The following TSHZ2 variants were observed in gnomAD, a reference collection of about 807,000 sequenced individuals.
The protein encoded by TSHZ2 is teashirt homolog 2.
TSHZ2 carries 21 observed loss-of-function variants against 74.4 expected under a neutral mutation model. The ratio of observed to expected loss-of-function variants is 0.28; its 90% confidence interval spans 0.20 to 0.41. TSHZ2 has a LOEUF of 0.41. Among genes scored for constraint, TSHZ2 ranks in the 10% least tolerant of loss-of-function variants. The pLI is 1.00. For missense variants in TSHZ2, 1,244 were observed against 1,293.5 expected (o/e 0.96, Z 0.59); for synonymous variants, 540 against 515.3 (o/e 1.05, Z -0.65).
intron 2 of TSHZ2, among the ~76,000 whole-genome samples, chr20:53,436,551 T>A (rs201247207): frequency 0.039 from 5,217 of 133,836 alleles, 158 homozygotes; most frequent in Non-Finnish European, 0.057. Flanking sequence ...TATTATTATT[T>A]TTTTTTTTTT....
chr20:53,003,179 T>C (rs181847911), intron 1 of TSHZ2, among the ~76,000 whole-genome samples: 4 of 152,040 alleles, frequency 2.6e-5, no homozygotes, highest in African/African-American at 7.2e-5. Flanking sequence ...CTGTCCTTCA[T>C]TGTGGGGAGA....
intron 1 of TSHZ2, among the ~76,000 whole-genome samples, chr20:52,993,647 A>C (rs1269930558): frequency 6.6e-6 from 1 of 152,218 alleles, no homozygotes; most frequent in East Asian, 1.9e-4. Context: ...GGAGGGAAGG[A>C]TTTGGAAAAG....
chr20:53,242,634 C>T (rs1990098129), intron 1 of TSHZ2, among the ~76,000 whole-genome samples: 1 of 139,042 alleles, frequency 7.2e-6, no homozygotes, highest in Non-Finnish European at 1.6e-5. Flanking sequence ...GAGTAACCCA[C>T]CCTGTGAGTT....
chr20:53,035,269 G>A (rs978244479), intron 1 of TSHZ2, among the ~76,000 whole-genome samples: 5 of 152,198 alleles, frequency 3.3e-5, no homozygotes, highest in Admixed American at 1.3e-4. Context: ...CTTTTCTCCT[G>A]TGAGACTGAT....
intron 2 of TSHZ2, among the ~76,000 whole-genome samples, chr20:53,312,225 A>G (rs1231512493): frequency 2.6e-5 from 4 of 152,226 alleles, no homozygotes. Context: ...AGGGCAGTAG[A>G]GCATCCTACT....
chr20:53,245,806 C>T lies in TSHZ2; in HGVS notation c.41-7693C>T, dbSNP rs190629927. On this transcript the variant is annotated intron_variant, in intron 1 of 2. Coordinates refer to ENST00000371497, the MANE Select transcript of TSHZ2 (RefSeq NM_173485.6). ...GTCAGTCAGGCTTGGGATAGTCACT[C>T]CTATTTGAGGTTGACAGATGAAGAA... Among the ~76,000 whole-genome samples, 423 of 152,204 alleles carry T rather than the reference C, an allele frequency of 2.8e-3. 4 individuals are homozygous for T. The highest frequency in any genetic ancestry group is 9.2e-3 in the African/African-American group (382 of 41,538).
At chr20:52,988,083 C>T (rs1227291773) in intron 1 of TSHZ2, among the ~76,000 whole-genome samples, 1 of 151,804 alleles carries the variant, frequency 6.6e-6, no homozygotes, top group Non-Finnish European at 1.5e-5. Context: ...CTTCCAAGCC[C>T]TTTCTATGTA....
chr20:53,443,921 A>G (rs901523206), intron 2 of TSHZ2, among the ~76,000 whole-genome samples: 3 of 152,160 alleles, frequency 2.0e-5, no homozygotes, highest in Non-Finnish European at 2.9e-5. Flanking sequence ...GGTGTGTTCC[A>G]AGGGCATTCG....
At chr20:53,267,670 A>T (rs1467768288) in intron 2 of TSHZ2, among the ~76,000 whole-genome samples, 2 of 152,186 alleles carry the variant, frequency 1.3e-5, no homozygotes, top group Non-Finnish European at 2.9e-5. Context: ...TGCCCAGTGT[A>T]TGTTAGATGC....
chr20:53,485,663 C>T (rs979078757), intron 2 of TSHZ2, among the ~76,000 whole-genome samples: 10 of 151,420 alleles, frequency 6.6e-5, no homozygotes, highest in South Asian at 6.3e-4. Context: ...GAACCCACAT[C>T]GTGCCACTGC....
chr20:53,111,248 A>G (rs1986527445), intron 1 of TSHZ2, among the ~76,000 whole-genome samples: 1 of 152,244 alleles, frequency 6.6e-6, no homozygotes. Context: ...AAGATTATTT[A>G]TTCAGTCAAT....
chr20:53,495,122 A>G lies in TSHZ2; in HGVS notation c.*7987A>G, dbSNP rs1452664676. The G allele has an allele frequency of 2.0e-5, 3 of 152,248 alleles. No individual in the cohort carries two copies. The highest frequency in any genetic ancestry group is 7.2e-5 in the African/African-American group (3 of 41,528). 9.4% of individuals were successfully genotyped at this position (152,248 alleles called of 1,614,324 possible). On this transcript the variant is annotated 3_prime_UTR_variant, in exon 3 of 3. Coordinates refer to ENST00000371497, the MANE Select transcript of TSHZ2 (RefSeq NM_173485.6). Reference sequence around the variant, plus strand: ...GTCAACGTCGACTTCTGCTTTGGCCAATTGAAAAATGAAAATTAAAGGAGA... The same window carrying G: ...GTCAACGTCGACTTCTGCTTTGGCCGATTGAAAAATGAAAATTAAAGGAGA...
intron 2 of TSHZ2, among the ~76,000 whole-genome samples, chr20:53,291,537 A>G (rs189913619): frequency 2.0e-3 from 298 of 150,052 alleles, no homozygotes; most frequent in Non-Finnish European, 3.3e-3. Context: ...TCAATTACAC[A>G]TCACAGAATC....
chr20:53,103,998 G>A (rs1343355867), intron 1 of TSHZ2, among the ~76,000 whole-genome samples: 2 of 152,160 alleles, frequency 1.3e-5, no homozygotes, highest in Admixed American at 1.3e-4. Flanking sequence ...GATAATAAGA[G>A]AGATCATGAC....
At position 53,256,461 on chromosome 20, in the gene TSHZ2, G is replaced by T; in HGVS notation, c.3003G>T (p.Arg1001=). Residue 1001 remains arginine (R), a synonymous_variant, in exon 2 of 3, where the codon CGG becomes CGT. Transcript: ENST00000371497. This position sits in a 1 kb window ranked among gnomAD's most constrained non-coding sequence, Gnocchi z 4.3. The part of the protein sequence containing the change: ...DSKFKCKLCC[R]TFVSKHAVKL... ...AATTCAAGTGTAAGTTGTGCTGTCGGACATTTGTGAGCAAACATGCGGTAA... is the reference window on the plus strand; with the variant it reads ...AATTCAAGTGTAAGTTGTGCTGTCGTACATTTGTGAGCAAACATGCGGTAA... 1 of 1,614,116 alleles carries T rather than the reference G, an allele frequency of 6.2e-7. No individual in the cohort carries two copies.
intron 1 of TSHZ2, among the ~76,000 whole-genome samples, chr20:53,000,792 T>C (rs942240863): frequency 6.6e-6 from 1 of 152,184 alleles, no homozygotes; most frequent in Non-Finnish European, 1.5e-5. Flanking sequence ...AACCCTTGTT[T>C]TTCAGGACTT....
chr20:53,234,265 G>A (rs1286793335), intron 1 of TSHZ2, among the ~76,000 whole-genome samples: 1 of 152,166 alleles, frequency 6.6e-6, no homozygotes, highest in Non-Finnish European at 1.5e-5. Flanking sequence ...AAAAATTCTG[G>A]TGAGTGGGTA....
At chr20:53,403,277 A>G (rs1167655042) in intron 2 of TSHZ2, among the ~76,000 whole-genome samples, 1 of 152,138 alleles carries the variant, frequency 6.6e-6, no homozygotes, top group Non-Finnish European at 1.5e-5. Flanking sequence ...TGTAAAATAA[A>G]AGCTGAAATT....
At chr20:53,020,874 G>T (rs951042148) in intron 1 of TSHZ2, among the ~76,000 whole-genome samples, 8 of 152,318 alleles carry the variant, frequency 5.3e-5, no homozygotes, top group Middle Eastern at 6.8e-3. Context: ...AAACAGACCT[G>T]AACTCCAACC....
Sources: allele counts gnomAD v4.1 joint callset (sites outside exome capture counted in the v4.1 genomes callset), GRCh38; gene constraint gnomAD v4.1.1; non-coding constraint Gnocchi (gnomAD v3.1); transcripts MANE v1.5; gene names NCBI Gene and HGNC (gene_info 2026-07-23, HGNC 2026-07-21).